RGS13: variants seen among roughly 807,000 people sequenced by gnomAD.
RGS13 encodes regulator of G protein signaling 13.
Under a neutral mutation model 19.9 loss-of-function variants are expected in RGS13, and 14 were observed. That is an observed-to-expected ratio of 0.70 (90% CI 0.46 to 1.10). The LOEUF (loss-of-function observed/expected upper bound fraction) is 1.10. Ranked by LOEUF, RGS13 falls within the 50% of genes least tolerant of loss-of-function variation. RGS13 has a pLI of 0.00. For missense variants in RGS13, 205 were observed against 187.1 expected, an observed-to-expected ratio of 1.10 and a Z score of -0.56; for synonymous variants, 60 against 56.8, an observed-to-expected ratio of 1.06 and a Z score of -0.25.
chr1:192,652,704 G>T (rs1277132693), intron 5 of RGS13, among the ~76,000 whole-genome samples: 1 of 151,952 alleles, frequency 6.6e-6, no homozygotes, highest in Non-Finnish European at 1.5e-5. Flanking sequence ...ACTAAGGTCT[G>T]CTTCTTCACT....
intron 3 of RGS13, among the ~76,000 whole-genome samples, chr1:192,642,995 G>A (rs1420549869): frequency 6.6e-6 from 1 of 152,052 alleles, no homozygotes. Context: ...AAGTAGTTGG[G>A]ACTACAGGCA....
chr1:192,643,910 GC>G (rs1663169637), intron 3 of RGS13, among the ~76,000 whole-genome samples: 1 of 152,116 alleles, frequency 6.6e-6, no homozygotes. Flanking sequence ...CCATGATCAT[GC>G]CACTGCACTC....
chr1:192,647,947 A>G lies in RGS13; in HGVS notation c.87A>G (p.Leu29=), dbSNP rs566007929. The G allele has an allele frequency of 9.4e-6, 15 of 1,602,760 alleles. 1 individual carries two copies. Among genetic ancestry groups the G allele is most frequent in the Middle Eastern group, 1.7e-4 (1 of 5,998 alleles). ...AAAGCCTTACTTTGGAGGAAGTATT[A>G]CAGTGGGCCCAGTCTTTTGAAAATT... ...PPSNLTLEEV[L]QWAQSFENLM... Residue 29 remains leucine, a synonymous_variant, in exon 5 of 7, where the codon TTA becomes TTG. Coordinates refer to ENST00000391995, the MANE Select transcript of RGS13 (RefSeq NM_002927.5).
At position 192,644,212 on chromosome 1, in the gene RGS13, C is replaced by G. The variant is rs1009052881; in HGVS notation, c.-4-119C>G. ...TCCCCCAGTGACTGTATTCCATTAA[C>G]TTCAAGAGCCCATCTTTTTTTTTAT... is the stretch of plus-strand genomic sequence containing the variant. On this transcript the variant is annotated intron_variant, in intron 3 of 6. Transcript: ENST00000391995. 6.1e-6 allele frequency: 4 copies of G among 653,226 alleles called. No individual in the cohort carries two copies. The South Asian group carries it at 1.3e-4, about 20-fold the overall frequency. The allele number at this position is 653,226 out of a possible 1,614,324, so 40.5% of individuals were successfully genotyped here.
intron 5 of RGS13, among the ~76,000 whole-genome samples, chr1:192,655,825 A>G (rs915534045): frequency 3.3e-5 from 5 of 152,090 alleles, no homozygotes; most frequent in African/African-American, 1.2e-4. Context: ...ATGTGTATTT[A>G]TGTGTGGAGA....
At chr1:192,645,358 G>T (rs1204167339) in intron 4 of RGS13, 1 of 152,128 alleles carries the variant, frequency 6.6e-6, no homozygotes, top group Admixed American at 6.6e-5. Context: ...ATGGAAAGCT[G>T]CCAGATAACA....
Position 192,659,997 on chromosome 1 carries a change from A to T in RGS13, c.*474A>T, listed in dbSNP as rs563642118. 1.3e-5 allele frequency: 2 copies of T among 152,152 alleles called. No homozygotes were observed. Among genetic ancestry groups the T allele is most frequent in the Admixed American group, 6.5e-5 (1 of 15,272 alleles). 9.4% of individuals were successfully genotyped at this position (152,152 alleles called of 1,614,324 possible). On this transcript the variant is annotated 3_prime_UTR_variant, in exon 7 of 7. Transcript: ENST00000391995. ...AATTGTATTATACCATGAGAAAATCAAAAAGGTGTTCTTCAGAGACATTTT... is the reference window on the plus strand; with the variant it reads ...AATTGTATTATACCATGAGAAAATCTAAAAGGTGTTCTTCAGAGACATTTT...
intron 5 of RGS13, among the ~76,000 whole-genome samples, chr1:192,653,121 A>G (rs1044596981): frequency 1.3e-5 from 2 of 152,130 alleles, no homozygotes; most frequent in Non-Finnish European, 2.9e-5. Flanking sequence ...AACAGAAGGT[A>G]ACGCAATAAA....
At chr1:192,659,191 T>C (rs904120390) in intron 6 of RGS13, 147 bp from the exon 7 acceptor site, 1 of 488,148 alleles carries the variant, frequency 2.0e-6, no homozygotes, top group African/African-American at 2.0e-5. Flanking sequence ...ATTTTTTATA[T>C]ATCTTCTTAG....
chr1:192,647,351 G>T (rs1663240332), intron 4 of RGS13: 1 of 152,128 alleles, frequency 6.6e-6, no homozygotes, highest in African/African-American at 2.4e-5. Flanking sequence ...GGCTACATTT[G>T]AGTTTTTATG....
chr1:192,648,660 T>C (rs1008779046), intron 5 of RGS13, among the ~76,000 whole-genome samples: 1 of 152,042 alleles, frequency 6.6e-6, no homozygotes, highest in Non-Finnish European at 1.5e-5. Flanking sequence ...AATTCTCTTG[T>C]TGAATTTGGT....
chr1:192,641,254 A>AAAAAAAGAAAGAAAG (rs1663109862), intron 3 of RGS13, among the ~76,000 whole-genome samples: 1 of 67,390 alleles, frequency 1.5e-5, no homozygotes, highest in Non-Finnish European at 3.1e-5. Context: ...GAAAAGAAAG[A>AAAAAAAGAAAGAAAG]AAAGAAAGAA....
intron 5 of RGS13, among the ~76,000 whole-genome samples, chr1:192,657,823 G>C (rs1663469996): frequency 6.6e-6 from 1 of 152,008 alleles, no homozygotes; most frequent in Admixed American, 6.6e-5. Flanking sequence ...CTACAGTTTG[G>C]CATGAGGTCT....
chr1:192,653,554 A>C (rs1417143887), intron 5 of RGS13, among the ~76,000 whole-genome samples: 1 of 152,116 alleles, frequency 6.6e-6, no homozygotes, highest in Non-Finnish European at 1.5e-5. Flanking sequence ...TAACCAAGAA[A>C]AGGGGAAACA....
chr1:192,647,024 C>A (rs1278863930), intron 4 of RGS13: 1 of 152,032 alleles, frequency 6.6e-6, no homozygotes, highest in Non-Finnish European at 1.5e-5. Context: ...ACATAATACA[C>A]CTTAATAAAA....
intron 6 of RGS13, chr1:192,659,010 G>T (rs1663550245): frequency 1.0e-5 from 2 of 191,866 alleles, no homozygotes; most frequent in African/African-American, 2.3e-5. Context: ...TCTTTAAAAA[G>T]ACATTTGTCT....
intron 5 of RGS13, among the ~76,000 whole-genome samples, chr1:192,649,982 G>C (rs1046684761): frequency 1.3e-5 from 2 of 152,030 alleles, no homozygotes; most frequent in Non-Finnish European, 2.9e-5. Context: ...AAACCCCTGA[G>C]AGACTGAAAA....
intron 3 of RGS13, among the ~76,000 whole-genome samples, chr1:192,642,231 A>C (rs1558049572): frequency 6.6e-6 from 1 of 151,764 alleles, no homozygotes; most frequent in Non-Finnish European, 1.5e-5. Context: ...ATTTTTAAAC[A>C]TGATTATTGG....
At chr1:192,642,670 T>C (rs1323616397) in intron 3 of RGS13, among the ~76,000 whole-genome samples, 1 of 151,980 alleles carries the variant, frequency 6.6e-6, no homozygotes, top group Non-Finnish European at 1.5e-5. Flanking sequence ...TCATTGCCTC[T>C]TAATCTTTGC....
Sources: allele counts gnomAD v4.1 joint callset (sites outside exome capture counted in the v4.1 genomes callset), GRCh38; gene constraint gnomAD v4.1.1; transcripts MANE v1.5; gene names NCBI Gene and HGNC (gene_info 2026-07-23, HGNC 2026-07-21).